Variants in ZNF469 observed in about 807,000 individuals in gnomAD.
The protein encoded by ZNF469 is zinc finger protein 469.
Under a neutral mutation model 1.0 loss-of-function variants are expected in ZNF469, and 1 was observed. The ratio of observed to expected loss-of-function variants is 1.00; its 90% confidence interval spans 0.35 to 4.73. The LOEUF is 4.73. Among genes scored for constraint, ZNF469 ranks in the 30% most tolerant of loss-of-function variants. The probability of loss-of-function intolerance (pLI) is 0.16; values close to 1 mark genes in which losing one functional copy is unlikely to be tolerated. For synonymous variants in ZNF469, 2,703 were observed against 2,363.4 expected (o/e 1.14, Z -4.17); for missense variants, 6,100 against 5,356.3 (o/e 1.14, Z -4.33).
chr16:88,164,165 T>TGG, the ZNF469 span, among the ~76,000 whole-genome samples: 12 of 148,956 alleles, frequency 8.1e-5, no homozygotes, highest in Non-Finnish European at 1.6e-4. Context: ...TAGATGAATG[T>TGG]ATGGATGGAT....
the ZNF469 span, among the ~76,000 whole-genome samples, chr16:88,150,605 C>G: frequency 3.9e-5 from 6 of 152,154 alleles, no homozygotes; most frequent in African/African-American, 1.4e-4. Flanking sequence ...TGTGAATCAG[C>G]CCTTCAGGCG....
At chr16:88,157,779 G>A in the ZNF469 span, among the ~76,000 whole-genome samples, 1 of 152,050 alleles carries the variant, frequency 6.6e-6, no homozygotes, top group African/African-American at 2.4e-5. Context: ...GCTCCAGGTG[G>A]GGGCTCCCTG....
intron 1 of ZNF469, among the ~76,000 whole-genome samples, chr16:88,393,879 G>A (rs1027445505): frequency 1.3e-5 from 2 of 152,244 alleles, no homozygotes; most frequent in Admixed American, 6.5e-5. Flanking sequence ...TCCAGGAGAC[G>A]TCATCGGGGA....
intron 1 of ZNF469, among the ~76,000 whole-genome samples, chr16:88,388,482 G>A (rs1360790340): frequency 6.6e-6 from 1 of 152,264 alleles, no homozygotes. Context: ...CTCCGGGGCT[G>A]CTGGGCCAAG....
At chr16:88,362,982 C>T in the ZNF469 span, among the ~76,000 whole-genome samples, 1 of 152,166 alleles carries the variant, frequency 6.6e-6, no homozygotes, top group East Asian at 1.9e-4. Flanking sequence ...CATCTCCATT[C>T]TACTGTAGAG....
chr16:88,133,315 C>G, the ZNF469 span, among the ~76,000 whole-genome samples: 1 of 152,238 alleles, frequency 6.6e-6, no homozygotes, highest in Non-Finnish European at 1.5e-5. Flanking sequence ...CGCACATTCC[C>G]AGCGCTTGGC....
the ZNF469 span, among the ~76,000 whole-genome samples, chr16:88,206,327 C>G: frequency 6.6e-6 from 1 of 152,292 alleles, no homozygotes; most frequent in Non-Finnish European, 1.5e-5. Context: ...ACTGGAGACC[C>G]GAACTGAGTG....
At position 88,437,140 on chromosome 16, in the gene ZNF469, G is replaced by A; in HGVS notation, c.9670G>A (p.Val3224Ile). 6.5e-7 allele frequency: 1 copy of A among 1,548,908 alleles called. No homozygotes were observed. The highest frequency in any genetic ancestry group is 8.7e-7 in the Non-Finnish European group (1 of 1,146,598). ...CGGAGGCCTGGAGGGCAGCAGCGCTGTCGCCCACCTTCTGAACAGCATCAC... is the reference window on the plus strand; with the variant it reads ...CGGAGGCCTGGAGGGCAGCAGCGCTATCGCCCACCTTCTGAACAGCATCAC... ...LPGGLEGSSAVAHLLNSITEP... is the reference protein window; with the variant it reads ...LPGGLEGSSAIAHLLNSITEP... Residue 3224 changes from valine to isoleucine, a missense_variant, in exon 3 of 3, where the codon GTC (valine) becomes ATC (isoleucine). Transcript: ENST00000565624.
chr16:88,326,572 G>A, the ZNF469 span, among the ~76,000 whole-genome samples: 1 of 152,174 alleles, frequency 6.6e-6, no homozygotes, highest in African/African-American at 2.4e-5. Context: ...TGACACTGCT[G>A]GGCAGGACAC....
chr16:88,248,515 T>C, the ZNF469 span, among the ~76,000 whole-genome samples: 1 of 150,066 alleles, frequency 6.7e-6, no homozygotes, highest in African/African-American at 2.5e-5. Flanking sequence ...CTGGGCAAGA[T>C]AGTGAGACCC....
chr16:88,237,448 G>T, the ZNF469 span, among the ~76,000 whole-genome samples: 58 of 7,014 alleles, frequency 8.3e-3, no homozygotes, highest in South Asian at 0.016. Context: ...CCTGCCCTCC[G>T]TGCTCCTGCC....
At chr16:88,412,986 G>C (rs376846282) in intron 1 of ZNF469, among the ~76,000 whole-genome samples, 1 of 151,874 alleles carries the variant, frequency 6.6e-6, no homozygotes, top group Admixed American at 6.6e-5. Context: ...GGAGCCCTGC[G>C]ACCCCCACCT....
chr16:88,300,703 G>C, the ZNF469 span, among the ~76,000 whole-genome samples: 2 of 152,042 alleles, frequency 1.3e-5, no homozygotes, highest in African/African-American at 2.4e-5. Context: ...CCAGCCCCTG[G>C]GGAGCTCCAT....
Position 88,436,499 on chromosome 16 carries a change from C to T in ZNF469, c.9029C>T (p.Ser3010Phe). The T allele has an allele frequency of 6.5e-7, 1 of 1,548,354 alleles. No individual in the cohort carries two copies. The highest frequency in any genetic ancestry group is 8.7e-7 in the Non-Finnish European group (1 of 1,146,950). ...LEMPAPADDSSSSLGDVSPEP... is the reference protein window; with the variant it reads ...LEMPAPADDSFSSLGDVSPEP... ...ATGCCGGCCCCTGCCGATGACTCCT[C>T]CTCTTCTCTCGGAGATGTGAGCCCC... is the stretch of plus-strand genomic sequence containing the variant. The change falls in exon 3 of 3, where the codon TCC becomes TTC. Residue 3010 changes from serine to phenylalanine, a missense_variant. Physicochemically the swap from Ser to Phe is radical, Grantham distance 155. Coordinates refer to ENST00000565624, the MANE Select transcript of ZNF469 (RefSeq NM_001367624.2).
At chr16:88,176,279 CT>C in the ZNF469 span, among the ~76,000 whole-genome samples, 1 of 150,262 alleles carries the variant, frequency 6.7e-6, no homozygotes, top group African/African-American at 2.5e-5. Context: ...CCCTGGGATG[CT>C]TTTGTCTTGG....
At chr16:88,299,733 G>T in the ZNF469 span, among the ~76,000 whole-genome samples, 2 of 152,184 alleles carry the variant, frequency 1.3e-5, no homozygotes, top group Non-Finnish European at 2.9e-5. Context: ...GGTGGGCTCT[G>T]CCTCTGCCAC....
the ZNF469 span, among the ~76,000 whole-genome samples, chr16:88,251,989 G>A: frequency 6.6e-6 from 1 of 150,882 alleles, no homozygotes. Flanking sequence ...GGGTCTCGGT[G>A]TCTCAGTGGC....
chr16:88,272,948 G>A, the ZNF469 span, among the ~76,000 whole-genome samples: 93 of 146,762 alleles, frequency 6.3e-4, no homozygotes, highest in African/African-American at 2.1e-3. Context: ...ATGGATGAAC[G>A]GGTGGGTGTG....
At chr16:88,385,486 GAAGT>G (rs1296420457) in intron 1 of ZNF469, among the ~76,000 whole-genome samples, 3 of 151,880 alleles carry the variant, frequency 2.0e-5, no homozygotes, top group African/African-American at 7.3e-5. Context: ...AAAAAAAATT[GAAGT>G]AAGTTAGCCA....
Sources: gnomAD v4.1 joint callset for allele counts (sites outside exome capture counted in the v4.1 genomes callset) on GRCh38, gnomAD v4.1.1 for gene constraint, MANE v1.5 for transcripts, NCBI Gene and HGNC (gene_info 2026-07-23, HGNC 2026-07-21) for gene names.